NRG1: variants seen among roughly 807,000 people sequenced by gnomAD.
The protein encoded by NRG1 is neuregulin 1.
NRG1 carries 18 observed loss-of-function variants against 63.8 expected under a neutral mutation model. The observed-to-expected ratio is 0.28, with a 90% CI of 0.19 to 0.42. The LOEUF is 0.42. Ranked by LOEUF, NRG1 falls within the 10% of genes least tolerant of loss-of-function variation. The pLI is 1.00. For missense variants in NRG1, 762 were observed against 814.7 expected (o/e 0.94, Z 0.79); for synonymous variants, 302 against 301.3 (o/e 1.00, Z -0.02).
intron 1 of NRG1, among the ~76,000 whole-genome samples, chr8:32,203,850 T>C (rs1045243544): frequency 6.6e-6 from 1 of 152,126 alleles, no homozygotes; most frequent in Non-Finnish European, 1.5e-5. Flanking sequence ...GAAGAGATGA[T>C]ATCAGAGCTT....
At chr8:32,011,835 T>C (rs1814807851) in intron 1 of NRG1, among the ~76,000 whole-genome samples, 1 of 152,068 alleles carries the variant, frequency 6.6e-6, no homozygotes, top group African/African-American at 2.4e-5. Flanking sequence ...AAACGAGACT[T>C]TTTCACTATT....
chr8:32,372,265 C>T (rs66857638), intron 1 of NRG1, among the ~76,000 whole-genome samples: 18,429 of 151,884 alleles, frequency 0.12, 1,704 homozygotes, highest in East Asian at 0.56. Context: ...GCTGGGATTA[C>T]GGGTGTGACC....
chr8:31,795,303 G>A (rs1201317275), intron 1 of NRG1, among the ~76,000 whole-genome samples: 1 of 152,182 alleles, frequency 6.6e-6, no homozygotes, highest in Non-Finnish European at 1.5e-5. Flanking sequence ...TGACAAATAG[G>A]CCAGACTTCT....
chr8:31,930,371 T>A (rs754898624), intron 1 of NRG1, among the ~76,000 whole-genome samples: 5 of 152,202 alleles, frequency 3.3e-5, no homozygotes, highest in Non-Finnish European at 7.4e-5. Context: ...CTCCAGCAAG[T>A]GGTACAGTTT....
chr8:32,279,921 C>T (rs552773838), intron 1 of NRG1, among the ~76,000 whole-genome samples: 4 of 152,262 alleles, frequency 2.6e-5, no homozygotes, highest in African/African-American at 9.6e-5. Flanking sequence ...GCTGGCAGTC[C>T]TCCTTGATTC....
At chr8:31,744,660 C>T (rs1202227618) in intron 1 of NRG1, among the ~76,000 whole-genome samples, 3 of 151,968 alleles carry the variant, frequency 2.0e-5, no homozygotes, top group Non-Finnish European at 4.4e-5. Flanking sequence ...GCCCATGGGT[C>T]TTGAATCTTT....
At chr8:32,077,914 T>G (rs1426906221) in intron 1 of NRG1, among the ~76,000 whole-genome samples, 2 of 152,130 alleles carry the variant, frequency 1.3e-5, no homozygotes, top group African/African-American at 4.8e-5. Context: ...TCCCTTGGGC[T>G]CTCCATCAGA....
At chr8:32,379,749 G>T (rs1244626523) in intron 1 of NRG1, among the ~76,000 whole-genome samples, 4 of 152,196 alleles carry the variant, frequency 2.6e-5, no homozygotes, top group African/African-American at 4.8e-5. Context: ...TTTATCCAGG[G>T]TTGTGTAGCT....
intron 1 of NRG1, among the ~76,000 whole-genome samples, chr8:31,763,726 A>G (rs1012764954): frequency 6.6e-6 from 1 of 152,176 alleles, no homozygotes; most frequent in African/African-American, 2.4e-5. Context: ...CGAGGCGGGC[A>G]GATCACGAGG....
At chr8:32,646,642 G>C (rs1853609150) in intron 5 of NRG1, 6 of 970,974 alleles carry the variant, frequency 6.2e-6, no homozygotes, top group Admixed American at 6.2e-5. Flanking sequence ...GAGACTGAAA[G>C]CTGGCAAGGT....
chr8:31,663,026 C>T (rs4559204), intron 1 of NRG1, among the ~76,000 whole-genome samples: 102,636 of 151,422 alleles, frequency 0.68, 35,745 homozygotes, highest in Non-Finnish European at 0.75. Context: ...TTCTTGCCTG[C>T]TATTCACAGA....
intron 1 of NRG1, among the ~76,000 whole-genome samples, chr8:32,222,566 C>A (rs1048524884): frequency 6.6e-6 from 1 of 152,182 alleles, no homozygotes; most frequent in Admixed American, 6.5e-5. Context: ...CCCAGTTACA[C>A]CCAGGGCAAG....
At chr8:32,596,291 T>C (rs2129537403) in intron 2 of NRG1, among the ~76,000 whole-genome samples, 1 of 152,206 alleles carries the variant, frequency 6.6e-6, no homozygotes. Context: ...GTAGATGCTG[T>C]CATAGTAATA....
intron 1 of NRG1, among the ~76,000 whole-genome samples, chr8:31,931,942 A>T (rs1834900557): frequency 6.6e-6 from 1 of 152,212 alleles, no homozygotes; most frequent in Admixed American, 6.5e-5. Flanking sequence ...GAAGACAGGG[A>T]GGCAATTGCC....
rs184893304 is a variant in NRG1 at position 31,968,719 on chromosome 8, A to G, written c.37+329288A>G. Among the ~76,000 whole-genome samples the G allele has an allele frequency of 5.9e-5, 9 of 152,078 alleles. No individual in the cohort carries two copies. The East Asian group carries it at 1.6e-3, about 26-fold the overall frequency. On this transcript the variant is annotated intron_variant, in intron 1 of 10. Transcript: ENST00000519301. ...TAAACCCAGAAAGAATCCACATTCT[A>G]TTTCTCATGGTTTTTTTCTATCTGT...
intron 1 of NRG1, among the ~76,000 whole-genome samples, chr8:31,834,149 T>C (rs1331533925): frequency 6.6e-6 from 1 of 152,202 alleles, no homozygotes; most frequent in Non-Finnish European, 1.5e-5. Context: ...CAAGTATGTT[T>C]GTTGTCTGCT....
rs181552475 is a variant in NRG1, at chr8:32,077,309, G to A, written c.37+437878G>A. Among the ~76,000 whole-genome samples, 303 of 152,286 alleles carry A rather than the reference G, an allele frequency of 2.0e-3. 2 individuals are homozygous for A. The highest frequency in any genetic ancestry group is 3.0e-3 in the Non-Finnish European group (205 of 68,022). On this transcript the variant is annotated intron_variant, in intron 1 of 10. Transcript: ENST00000519301. ...TGGAACCCGGGAGGCAGAGGTTGCAGTGAGCTGAAATCGCACATTGCCCTC... is the reference window on the plus strand; with the variant it reads ...TGGAACCCGGGAGGCAGAGGTTGCAATGAGCTGAAATCGCACATTGCCCTC...
intron 1 of NRG1, among the ~76,000 whole-genome samples, chr8:31,746,138 AGAG>A (rs1815835824): frequency 6.6e-6 from 1 of 151,902 alleles, no homozygotes; most frequent in African/African-American, 2.4e-5. Flanking sequence ...TAGGAGGAAA[AGAG>A]GATGACGGAG....
intron 5 of NRG1, among the ~76,000 whole-genome samples, chr8:32,691,724 A>G (rs925584471): frequency 1.6e-4 from 24 of 152,244 alleles, no homozygotes; most frequent in African/African-American, 5.8e-4. Flanking sequence ...TGAAGGAAGA[A>G]CAGCAAAGAA....
Sources: gnomAD v4.1 joint callset for allele counts (sites outside exome capture counted in the v4.1 genomes callset) on GRCh38, gnomAD v4.1.1 for gene constraint, MANE v1.5 for transcripts, NCBI Gene and HGNC (gene_info 2026-07-23, HGNC 2026-07-21) for gene names.